CSMD1: variants seen among roughly 807,000 people sequenced by gnomAD.
CSMD1 encodes the protein CUB and sushi domain-containing protein 1.
Under a neutral mutation model 417.5 loss-of-function variants are expected in CSMD1, and 213 were observed. The observed-to-expected ratio is 0.51, with a 90% CI of 0.46 to 0.57. The LOEUF is 0.57. Ranked by LOEUF, CSMD1 falls within the 20% of genes least tolerant of loss-of-function variation. The pLI is 0.00. For missense variants in CSMD1, 6,923 were observed against 4,529.7 expected (o/e 1.53, Z -15.17); for synonymous variants, 2,862 against 1,736.8 (o/e 1.65, Z -16.11).
chr8:3,386,241 C>T (rs1810995663), intron 18 of CSMD1, among the ~76,000 whole-genome samples: 1 of 152,238 alleles, frequency 6.6e-6, no homozygotes, highest in Admixed American at 6.5e-5. Context: ...AAAGCACCTT[C>T]ACCTGGGGGG....
At chr8:3,197,328 G>T (rs1411594720) in intron 33 of CSMD1, among the ~76,000 whole-genome samples, 4 of 152,134 alleles carry the variant, frequency 2.6e-5, no homozygotes, top group Non-Finnish European at 4.4e-5. Context: ...GTTAACAAGG[G>T]TTAGCTATCC....
intron 2 of CSMD1, among the ~76,000 whole-genome samples, chr8:4,463,852 A>G (rs1484864281): frequency 2.0e-5 from 3 of 152,198 alleles, no homozygotes; most frequent in Non-Finnish European, 4.4e-5. Flanking sequence ...AATATATTAA[A>G]AAGCACTGAA....
chr8:4,011,006 C>G (rs1308767106), intron 4 of CSMD1, among the ~76,000 whole-genome samples: 1 of 152,212 alleles, frequency 6.6e-6, no homozygotes, highest in African/African-American at 2.4e-5. Context: ...TGGGGGATGA[C>G]TGTTTCATGC....
intron 42 of CSMD1, among the ~76,000 whole-genome samples, chr8:3,118,106 G>T (rs1461723306): frequency 6.6e-6 from 1 of 152,120 alleles, no homozygotes; most frequent in Non-Finnish European, 1.5e-5. Context: ...TTCCCTGATG[G>T]CTTCCCAAGC....
intron 7 of CSMD1, among the ~76,000 whole-genome samples, chr8:3,701,053 G>A (rs941675170): frequency 2.0e-5 from 3 of 151,996 alleles, no homozygotes; most frequent in African/African-American, 4.8e-5. Flanking sequence ...GGCTCACCAA[G>A]AGGCCGGAGA....
intron 3 of CSMD1, among the ~76,000 whole-genome samples, chr8:4,277,776 C>G (rs894397206): frequency 5.3e-5 from 8 of 152,164 alleles, no homozygotes; most frequent in African/African-American, 1.9e-4. Flanking sequence ...GAGACGGAGT[C>G]TCACTCTGTT....
intron 1 of CSMD1, among the ~76,000 whole-genome samples, chr8:4,886,927 C>T (rs1803784090): frequency 6.6e-6 from 1 of 151,814 alleles, no homozygotes; most frequent in African/African-American, 2.4e-5. Flanking sequence ...GTTACATAAC[C>T]AACTTTTGAT....
At chr8:4,909,342 C>T (rs1020823091) in intron 1 of CSMD1, among the ~76,000 whole-genome samples, 6 of 152,158 alleles carry the variant, frequency 3.9e-5, no homozygotes, top group Admixed American at 1.3e-4. Flanking sequence ...TCCTTGCCTT[C>T]TACTACTTTT....
chr8:4,005,711 C>T (rs1251059889), intron 4 of CSMD1, among the ~76,000 whole-genome samples: 1 of 152,190 alleles, frequency 6.6e-6, no homozygotes, highest in Non-Finnish European at 1.5e-5. Context: ...AAGACTCCCT[C>T]ATTTGATTTG....
At chr8:4,807,228 G>A (rs1196876386) in intron 1 of CSMD1, among the ~76,000 whole-genome samples, 1 of 152,122 alleles carries the variant, frequency 6.6e-6, no homozygotes, top group Non-Finnish European at 1.5e-5. Context: ...TCACCCGGGG[G>A]TTCGGCAGCT....
intron 52 of CSMD1, among the ~76,000 whole-genome samples, chr8:3,015,718 C>T (rs1042171280): frequency 2.0e-5 from 3 of 151,862 alleles, no homozygotes; most frequent in African/African-American, 7.3e-5. Context: ...TACTCAAGGA[C>T]ATTTAACTTG....
At chr8:4,185,680 G>A (rs1032232885) in intron 3 of CSMD1, among the ~76,000 whole-genome samples, 1 of 152,162 alleles carries the variant, frequency 6.6e-6, no homozygotes, top group South Asian at 2.1e-4. Context: ...AATGCCCAAT[G>A]AATGTCTAGT....
At chr8:4,463,511 AT>A (rs1252905438) in intron 2 of CSMD1, among the ~76,000 whole-genome samples, 3 of 152,174 alleles carry the variant, frequency 2.0e-5, no homozygotes, top group Non-Finnish European at 2.9e-5. Context: ...AACAATACAA[AT>A]GTCAGTCAAC....
chr8:3,909,377 A>G (rs1329099695), intron 5 of CSMD1, among the ~76,000 whole-genome samples: 1 of 152,132 alleles, frequency 6.6e-6, no homozygotes. Flanking sequence ...GTCAGGAGGA[A>G]CCCAGACCAA....
chr8:4,248,850 G>C (rs547270019), intron 3 of CSMD1, among the ~76,000 whole-genome samples: 4 of 152,060 alleles, frequency 2.6e-5, no homozygotes, highest in African/African-American at 9.6e-5. Flanking sequence ...AAAAACAATT[G>C]CTAACTCTCA....
chr8:3,802,580 G>T (rs1321077285), intron 5 of CSMD1, among the ~76,000 whole-genome samples: 1 of 152,092 alleles, frequency 6.6e-6, no homozygotes, highest in African/African-American at 2.4e-5. Context: ...AGAAATACAG[G>T]CTTATTGCAG....
chr8:3,707,435 A>G (rs1441635340), intron 7 of CSMD1, among the ~76,000 whole-genome samples: 1 of 152,232 alleles, frequency 6.6e-6, no homozygotes, highest in East Asian at 1.9e-4. Context: ...TAGAAACATC[A>G]CATGAAAAGA....
At chr8:3,255,485 G>A (rs773945703) in intron 26 of CSMD1, among the ~76,000 whole-genome samples, 1 of 152,198 alleles carries the variant, frequency 6.6e-6, no homozygotes, top group Non-Finnish European at 1.5e-5. Context: ...ACAGAGGCAG[G>A]CAGGCCTCCT....
At chr8:4,772,642 T>G (rs1159346537) in intron 1 of CSMD1, among the ~76,000 whole-genome samples, 7 of 152,166 alleles carry the variant, frequency 4.6e-5, no homozygotes, top group Admixed American at 3.9e-4. Flanking sequence ...AATGTAAAGA[T>G]GTGGAATCTG....
Sources: allele counts gnomAD v4.1 joint callset (sites outside exome capture counted in the v4.1 genomes callset), GRCh38; gene constraint gnomAD v4.1.1; transcripts MANE v1.5; gene names NCBI Gene and HGNC (gene_info 2026-07-23, HGNC 2026-07-21).